HUS1: variants seen among roughly 807,000 people sequenced by gnomAD.
HUS1 encodes HUS1 checkpoint clamp component.
HUS1 carries 31 observed loss-of-function variants against 32.6 expected under a neutral mutation model. The ratio of observed to expected loss-of-function variants is 0.95; its 90% CI spans 0.72 to 1.28. The LOEUF (loss-of-function observed/expected upper bound fraction) is 1.28, where lower values mean the gene tolerates loss of function less well. Ranked by LOEUF, HUS1 falls within the 50% of genes most tolerant of loss-of-function variation. The pLI is 0.00. For missense variants in HUS1, 340 were observed against 337.7 expected, an observed-to-expected ratio of 1.01 and a Z score of -0.05; for synonymous variants, 123 against 116.6, an observed-to-expected ratio of 1.06 and a Z score of -0.36.
In HUS1 at chr7:47,978,840, A is replaced by G. The variant is rs1320801483; in HGVS notation, c.53-24T>C. ...TCCTAAAGCAGGGGTTAAAATAAGG[A>G]ATTACTAAAATGCACATTATGTATC... On this transcript the variant is annotated intron_variant, in intron 1 of 7. Coordinates refer to ENST00000258774, the MANE Select transcript of HUS1 (RefSeq NM_004507.4). The G allele has an allele frequency of 3.1e-6, 5 of 1,610,116 alleles. No homozygotes were observed. The East Asian group carries it at 1.1e-4, about 36-fold the overall frequency.
At chr7:47,969,357 G>A (rs771609938) in intron 5 of HUS1, 39 bp from the exon 6 acceptor site, 24 of 1,219,454 alleles carry the variant, frequency 2.0e-5, no homozygotes, top group Admixed American at 4.0e-5. Flanking sequence ...AGAAAAGGAA[G>A]CCAAAAGGAA....
At position 47,965,456 on chromosome 7, in the gene HUS1, A is replaced by G; in HGVS notation, c.761-18T>C. On this transcript the variant is annotated intron_variant, in intron 7 of 7. Coordinates refer to ENST00000258774, the MANE Select transcript of HUS1 (RefSeq NM_004507.4). Reference sequence around the variant, plus strand: ...CACAATATCTGGGAAGAGAAAAGCCATGATTTTAGAGACCTAGTGCAGCAC... The same window carrying G: ...CACAATATCTGGGAAGAGAAAAGCCGTGATTTTAGAGACCTAGTGCAGCAC... 1 of 1,580,158 alleles carries G rather than the reference A, an allele frequency of 6.3e-7. No homozygotes were observed. The highest frequency in any genetic ancestry group is 8.7e-7 in the Non-Finnish European group (1 of 1,149,040).
Position 47,963,587 on chromosome 7 carries a change from T to C in HUS1, c.*1769A>G, listed in dbSNP as rs1177931102. 2 of 152,240 alleles carry C rather than the reference T, an allele frequency of 1.3e-5. No homozygotes were observed. Among genetic ancestry groups the C allele is most frequent in the Non-Finnish European group, 2.9e-5 (2 of 68,044 alleles). 9.4% of individuals were successfully genotyped at this position (152,240 alleles called of 1,614,324 possible). On this transcript the variant is annotated 3_prime_UTR_variant, in exon 8 of 8. Transcript: ENST00000258774. The stretch of plus-strand genomic sequence containing the variant: ...GTGTCTTCTAATTTTAAAATGTTAA[T>C]TTAACAAAATATTCCATCCTATTTC...
chr7:47,976,142 G>A (rs1232047975), intron 4 of HUS1: 2 of 348,374 alleles, frequency 5.7e-6, no homozygotes, highest in Admixed American at 3.8e-5. Context: ...GTTACCAAGA[G>A]TGCTCTATAA....
chr7:47,965,454 C>T lies in HUS1; in HGVS notation c.761-16G>A. ...TTCACAATATCTGGGAAGAGAAAAG[C>T]CATGATTTTAGAGACCTAGTGCAGC... On this transcript the variant is annotated splice_polypyrimidine_tract_variant and intron_variant, in intron 7 of 7. Transcript: ENST00000258774. 1.9e-6 allele frequency: 3 copies of T among 1,598,492 alleles called. No individual in the cohort carries two copies. Among genetic ancestry groups the T allele is most frequent in the Non-Finnish European group, 2.6e-6 (3 of 1,165,942 alleles).
chr7:47,970,058 C>T (rs1322283350), intron 5 of HUS1, among the ~76,000 whole-genome samples: 1 of 151,330 alleles, frequency 6.6e-6, no homozygotes, highest in Non-Finnish European at 1.5e-5. Flanking sequence ...ACGGTGAAAC[C>T]CCGTCTCTAC....
At chr7:47,975,713 C>G in intron 4 of HUS1, 26 bp from the exon 5 acceptor site, 1 of 1,386,752 alleles carries the variant, frequency 7.2e-7, no homozygotes, top group Middle Eastern at 1.8e-4. Context: ...GAAAAAAGCA[C>G]AAGTATTAAA....
chr7:47,977,047 G>GA (rs3176517), intron 3 of HUS1, among the ~76,000 whole-genome samples: 70,873 of 151,678 alleles, frequency 0.47, 17,148 homozygotes, highest in East Asian at 0.54. Flanking sequence ...GAAGTGTGGT[G>GA]ATAAGACAAA....
Position 47,975,671 on chromosome 7 carries a change from G to T in HUS1, c.482C>A (p.Pro161Gln). The T allele has an allele frequency of 1.9e-6, 3 of 1,588,462 alleles. No individual in the cohort carries two copies. Among genetic ancestry groups the T allele is most frequent in the Non-Finnish European group, 2.6e-6 (3 of 1,161,724 alleles). The change falls in exon 5 of 8, where the codon CCA becomes CAA. Residue 161 changes from proline to glutamine, a missense_variant. Coordinates refer to ENST00000258774, the MANE Select transcript of HUS1 (RefSeq NM_004507.4). Reference sequence around the variant, plus strand: ...AACACTCTTCATAGTCTTCAAGACTGGTAAATAAATACTAACCTACAAAAC... The same window carrying T: ...AACACTCTTCATAGTCTTCAAGACTTGTAAATAAATACTAACCTACAAAAC... ...VPDPDVSIYL[P>Q]VLKTMKSVVE... is the part of the protein sequence containing the mutation.
Position 47,978,447 on chromosome 7 carries a change from G to A in HUS1, c.327C>T (p.His109=). Residue 109 remains histidine (H), a synonymous_variant, in exon 3 of 8, where the codon CAC becomes CAT. Transcript: ENST00000258774. The part of the protein sequence containing the change: ...RALKIKLTNK[H]FPCLTVSVEL... ...CCACGGAGACCGTGAGGCAGGGAAA[G>A]TGTTTATTAGTCAGTTTGATTTTCA... is the stretch of plus-strand genomic sequence containing the variant. The A allele has an allele frequency of 6.2e-7, 1 of 1,614,256 alleles. No individual in the cohort carries two copies. Among genetic ancestry groups the A allele is most frequent in the South Asian group, 1.1e-5 (1 of 91,090 alleles).
At chr7:47,973,399 G>A (rs1036737141) in intron 5 of HUS1, among the ~76,000 whole-genome samples, 3 of 152,198 alleles carry the variant, frequency 2.0e-5, no homozygotes, top group East Asian at 1.9e-4. Flanking sequence ...CCAGATTCCA[G>A]GGGATTCACA....
rs1303794687 is a variant in HUS1, at chr7:47,965,810, C to T, written c.761-372G>A. On this transcript the variant is annotated intron_variant, in intron 7 of 7. Transcript: ENST00000258774. ...AGAGCCAAGAGCCAGGATCCCCCAACACCTGGGGCAGGCTGTGTCACACAC... is the reference window on the plus strand; with the variant it reads ...AGAGCCAAGAGCCAGGATCCCCCAATACCTGGGGCAGGCTGTGTCACACAC... Among the ~76,000 whole-genome samples the T allele has an allele frequency of 5.3e-5, 8 of 152,284 alleles. No homozygotes were observed. In the South Asian group the frequency reaches 1.4e-3, roughly 28 times the overall value.
Position 47,973,799 on chromosome 7 carries a change from C to G in HUS1, c.540+1814G>C, listed in dbSNP as rs1022280671. 3.9e-5 allele frequency among the ~76,000 whole-genome samples: 6 copies of G among 152,154 alleles called. No homozygotes were observed. In the East Asian group the frequency reaches 9.6e-4, roughly 24 times the overall value. On this transcript the variant is annotated intron_variant, in intron 5 of 7. Coordinates refer to ENST00000258774, the MANE Select transcript of HUS1 (RefSeq NM_004507.4). ...AACACCTCTGATGATTCTAAGCTAC[C>G]CTTCTACCTCTCTACCTTGCTGACT...
intron 6 of HUS1, 57 bp downstream of exon 6, chr7:47,969,162 G>A (rs1788542869): frequency 2.5e-6 from 2 of 812,390 alleles, no homozygotes; most frequent in Non-Finnish European, 2.1e-6. Flanking sequence ...TCAACAGGTA[G>A]GTTATCTGAA....
chr7:47,965,563 C>A, intron 7 of HUS1, 125 bp from the exon 8 acceptor site: 2 of 644,848 alleles, frequency 3.1e-6, no homozygotes, highest in Non-Finnish European at 2.8e-6. Flanking sequence ...CCTGAGGCAG[C>A]TGCAGAGACC....
At chr7:47,968,529 C>A (rs1454393438) in intron 6 of HUS1, among the ~76,000 whole-genome samples, 4 of 152,144 alleles carry the variant, frequency 2.6e-5, no homozygotes. Flanking sequence ...GTGACTAGGG[C>A]CGATTTTATT....
intron 6 of HUS1, among the ~76,000 whole-genome samples, chr7:47,968,631 GC>G (rs1430705682): frequency 6.6e-6 from 1 of 152,304 alleles, no homozygotes; most frequent in East Asian, 1.9e-4. Flanking sequence ...TGCTCAGGCA[GC>G]CCCTGCTACT....
At chr7:47,971,237 A>G (rs1788593785) in intron 5 of HUS1, 1 of 240,646 alleles carries the variant, frequency 4.2e-6, no homozygotes, top group African/African-American at 2.3e-5. Flanking sequence ...GAACATAGCC[A>G]TTTATTTAGA....
At chr7:47,965,510 C>T (rs1788459649) in intron 7 of HUS1, 72 bp from the exon 8 acceptor site, 2 of 1,009,922 alleles carry the variant, frequency 2.0e-6, no homozygotes, top group Admixed American at 1.9e-5. Flanking sequence ...TTTTTCAGAA[C>T]AGCCTTCCCA....
Sources: gnomAD v4.1 joint callset for allele counts (sites outside exome capture counted in the v4.1 genomes callset) on GRCh38, gnomAD v4.1.1 for gene constraint, MANE v1.5 for transcripts, NCBI Gene and HGNC (gene_info 2026-07-23, HGNC 2026-07-21) for gene names.